BTNL9: variants seen among roughly 807,000 people sequenced by gnomAD.
BTNL9 encodes the protein butyrophilin-like protein 9.
A neutral mutation model predicts 45.8 loss-of-function variants in BTNL9; 45 were observed. The observed-to-expected ratio is 0.98, with a 90% CI of 0.77 to 1.26. The LOEUF (loss-of-function observed/expected upper bound fraction) is 1.26, where lower values mean the gene tolerates loss of function less well. BTNL9 is among the 50% of genes most tolerant of loss of function. The pLI is 0.00. For synonymous variants in BTNL9, 346 were observed against 330.8 expected, an observed-to-expected ratio of 1.05 and a Z score of -0.50; for missense variants, 784 against 729.7, an observed-to-expected ratio of 1.07 and a Z score of -0.86.
chr5:181,044,128 C>A (rs950854327), intron 1 of BTNL9, among the ~76,000 whole-genome samples: 3 of 152,202 alleles, frequency 2.0e-5, no homozygotes, highest in African/African-American at 7.2e-5. Flanking sequence ...TGTATTCCTG[C>A]CTGTCTGGGT....
In BTNL9 at chr5:181,059,361, G is replaced by A. The variant is rs774802017; in HGVS notation, c.1107G>A (p.Glu369=). 5.8e-6 allele frequency: 9 copies of A among 1,539,658 alleles called. No individual in the cohort carries two copies. Among genetic ancestry groups the A allele is most frequent in the East Asian group, 2.5e-5 (1 of 40,594 alleles). ...PAPGHPQRFS[E]QTCALSLERF... ...CTGGCCACCCGCAGCGGTTCTCGGA[G>A]CAGACGTGCGCGCTGAGCCTGGAGC... The change falls in exon 11 of 11, where the codon GAG becomes GAA. Residue 369 remains glutamate (E), a synonymous_variant. Transcript: ENST00000327705.
Position 181,050,479 on chromosome 5 carries a change from G to C in BTNL9, c.736+110G>C. ...TGGTACTGCGCCTGTCTGCATATAG[G>C]GTGTGTTGGCCTTGACACCTGAAAA... On this transcript the variant is annotated intron_variant, in intron 4 of 10. Transcript: ENST00000327705. The surrounding 1 kb of genome is among the most constrained non-coding windows in gnomAD (Gnocchi z 4.9). 2 of 1,350,890 alleles carry C rather than the reference G, an allele frequency of 1.5e-6. No individual in the cohort carries two copies. The highest frequency in any genetic ancestry group is 2.0e-6 in the Non-Finnish European group (2 of 978,934). 83.7% of individuals were successfully genotyped at this position (1,350,890 alleles called of 1,614,324 possible). A position where few individuals can be genotyped will look rare whatever the true frequency, so the allele number is the denominator to read the frequency against.
rs1200656241 is a variant in BTNL9, at chr5:181,050,198, C to T, written c.565C>T (p.His189Tyr). ...CAAGCCTAAGGTTCAGTGGAGAGAC[C>T]ACCAGGGACAGTGCCTGCCTCCAGA... The part of the protein sequence containing the change: ...YPKPKVQWRD[H>Y]QGQCLPPEFE... Residue 189 changes from histidine to tyrosine, a missense_variant, in exon 4 of 11, where the codon CAC becomes TAC. Physicochemically the swap from His to Tyr is moderately conservative, Grantham distance 83. Transcript: ENST00000327705. This position sits in a 1 kb window ranked among gnomAD's most constrained non-coding sequence, Gnocchi z 4.9. The T allele has an allele frequency of 1.1e-5, 18 of 1,614,034 alleles. No individual in the cohort carries two copies. Among genetic ancestry groups the T allele is most frequent in the Non-Finnish European group, 1.4e-5 (17 of 1,180,028 alleles).
chr5:181,053,141 C>G lies in BTNL9; in HGVS notation c.737-59C>G, dbSNP rs1327134426. On this transcript the variant is annotated intron_variant, in intron 4 of 10. Coordinates refer to ENST00000327705, the MANE Select transcript of BTNL9 (RefSeq NM_152547.5). The surrounding 1 kb of genome is among the most constrained non-coding windows in gnomAD (Gnocchi z 6.5). The stretch of plus-strand genomic sequence containing the variant: ...CCCGGCACGCGGCGGGCAGGCCGGT[C>G]TCGCCTCTCGGTGCTCAGCGGCGCC... The G allele has an allele frequency of 2.1e-6, 3 of 1,420,606 alleles. No homozygotes were observed. Among genetic ancestry groups the G allele is most frequent in the Non-Finnish European group, 2.9e-6 (3 of 1,047,302 alleles). 88.0% of individuals were successfully genotyped at this position (1,420,606 alleles called of 1,614,324 possible).
chr5:181,046,673 G>C (rs986306959), intron 2 of BTNL9, among the ~76,000 whole-genome samples: 5 of 151,656 alleles, frequency 3.3e-5, no homozygotes, highest in African/African-American at 9.7e-5. Flanking sequence ...CTGAGAGAAA[G>C]AGAGAGAGCG....
In BTNL9 at chr5:181,059,469, G is replaced by T; in HGVS notation, c.1215G>T (p.Val405=). 6.9e-7 allele frequency: 1 copy of T among 1,445,342 alleles called. No homozygotes were observed. The allele number at this position is 1,445,342 out of a possible 1,614,324, so 89.5% of individuals were successfully genotyped here. The change falls in exon 11 of 11, where the codon GTG becomes GTT. Residue 405 remains valine, a synonymous_variant. Transcript: ENST00000327705. ...RWFLGACLAA[V]PRAGPARLSP... is the part of the protein sequence containing the mutation. Reference sequence around the variant, plus strand: ...TCCTGGGCGCCTGCCTGGCCGCGGTGCCGCGCGCGGGGCCTGCGCGCCTGA... The same window carrying T: ...TCCTGGGCGCCTGCCTGGCCGCGGTTCCGCGCGCGGGGCCTGCGCGCCTGA...
At chr5:181,047,249 A>G (rs1226345397) in intron 2 of BTNL9, among the ~76,000 whole-genome samples, 1 of 152,178 alleles carries the variant, frequency 6.6e-6, no homozygotes, top group Non-Finnish European at 1.5e-5. Flanking sequence ...CAGGGAGCAG[A>G]GAGGCCCCAT....
At chr5:181,052,135 G>T (rs1431480971) in intron 4 of BTNL9, among the ~76,000 whole-genome samples, 3 of 152,216 alleles carry the variant, frequency 2.0e-5, no homozygotes, top group African/African-American at 7.2e-5. Context: ...TTGTGACCCA[G>T]TGTTTTTGTA....
chr5:181,048,732 T>C (rs1232231069), intron 3 of BTNL9, among the ~76,000 whole-genome samples: 1 of 118,304 alleles, frequency 8.5e-6, no homozygotes, highest in South Asian at 2.4e-4. Flanking sequence ...TATATCTATA[T>C]ATATATCTAT....
rs1761702255 is a variant in BTNL9 at position 181,053,561 on chromosome 5, T to TA, written c.886+63dup. ...CCAAGTGCCAAAACCCGCCGTCATC[T>TA]AAAGGCTGTGGGTCCCGTTACGAGG... On this transcript the variant is annotated intron_variant, in intron 6 of 10. Transcript: ENST00000327705. This position sits in a 1 kb window ranked among gnomAD's most constrained non-coding sequence, Gnocchi z 6.5. 1.1e-5 allele frequency: 17 copies of TA among 1,553,012 alleles called. No individual in the cohort carries two copies. Among genetic ancestry groups the TA allele is most frequent in the Non-Finnish European group, 1.5e-5 (17 of 1,148,166 alleles).
Position 181,053,962 on chromosome 5 carries a change from C to T in BTNL9, c.887-277C>T, listed in dbSNP as rs144796864. Reference sequence around the variant, plus strand: ...TCCGGGGCTTAACGTTTCCGCCGAGCTAATAGATTTGGGAGGCTCCGACCC... The same window carrying T: ...TCCGGGGCTTAACGTTTCCGCCGAGTTAATAGATTTGGGAGGCTCCGACCC... On this transcript the variant is annotated intron_variant, in intron 6 of 10. Coordinates refer to ENST00000327705, the MANE Select transcript of BTNL9 (RefSeq NM_152547.5). This position sits in a 1 kb window ranked among gnomAD's most constrained non-coding sequence, Gnocchi z 6.5. The T allele has an allele frequency of 1.3e-6, 2 of 1,527,426 alleles. No homozygotes were observed. The highest frequency in any genetic ancestry group is 1.8e-6 in the Non-Finnish European group (2 of 1,141,234). 94.6% of individuals were successfully genotyped at this position (1,527,426 alleles called of 1,614,324 possible).
intron 2 of BTNL9, 97 bp downstream of exon 2, chr5:181,045,695 C>G (rs1371752089): frequency 2.1e-6 from 2 of 963,524 alleles, no homozygotes; most frequent in African/African-American, 3.3e-5. Context: ...CCAGGGCGTG[C>G]CAGACGCTAA....
intron 3 of BTNL9, among the ~76,000 whole-genome samples, 177 bp from the exon 4 acceptor site, chr5:181,049,911 T>G (rs78062132): frequency 0.013 from 2,027 of 152,364 alleles, 50 homozygotes; most frequent in African/African-American, 0.046. Flanking sequence ...ATGCTACCAC[T>G]GATTTAGACT....
intron 2 of BTNL9, among the ~76,000 whole-genome samples, 170 bp downstream of exon 2, chr5:181,045,768 G>A (rs925358605): frequency 4.7e-5 from 7 of 150,496 alleles, no homozygotes; most frequent in Admixed American, 1.3e-4. Flanking sequence ...TACCCAGCCT[G>A]TAGTGATGTT....
At chr5:181,056,848 T>C in intron 9 of BTNL9, 1 of 498,440 alleles carries the variant, frequency 2.0e-6, no homozygotes, top group Non-Finnish European at 3.6e-6. Context: ...GGCTCATTGT[T>C]CTTTAGGTTT....
intron 3 of BTNL9, among the ~76,000 whole-genome samples, chr5:181,048,712 A>AATAT (rs951160498): frequency 3.0e-5 from 4 of 132,110 alleles, no homozygotes; most frequent in African/African-American, 8.7e-5. Context: ...TCTGTCTTGA[A>AATAT]ATATATATAT....
Position 181,053,325 on chromosome 5 carries a change from G to C in BTNL9, c.853+9G>C, listed in dbSNP as rs752956953. ...GCAGCGGAGAAGCCGAGGTACCGGC[G>C]CGGGCGGCGGGGCGGGGAGGGGCAC... is the stretch of plus-strand genomic sequence containing the variant. On this transcript the variant is annotated intron_variant, in intron 5 of 10. Transcript: ENST00000327705. This position sits in a 1 kb window ranked among gnomAD's most constrained non-coding sequence, Gnocchi z 6.5. 3.2e-6 allele frequency: 5 copies of C among 1,542,464 alleles called. No individual in the cohort carries two copies. Among genetic ancestry groups the C allele is most frequent in the Non-Finnish European group, 4.4e-6 (5 of 1,145,940 alleles).
chr5:181,054,107 G>A (rs776049023), intron 6 of BTNL9, 132 bp from the exon 7 acceptor site: 12 of 1,555,060 alleles, frequency 7.7e-6, no homozygotes, highest in Non-Finnish European at 9.6e-6. Context: ...GCCTGGGCCC[G>A]CAGACCACCG....
rs1414725260 is a variant in BTNL9, at chr5:181,059,752, C to T, written c.1498C>T (p.Leu500=). The change falls in exon 11 of 11, where the codon CTG becomes TTG. Residue 500 remains leucine, a synonymous_variant. Transcript: ENST00000327705. ...CGACGGCGGCGAACATCCGGATCCCCTGACCATCTGCCCGCTGCCGGTTAG... is the reference window on the plus strand; with the variant it reads ...CGACGGCGGCGAACATCCGGATCCCTTGACCATCTGCCCGCTGCCGGTTAG... ...AHDGGEHPDP[L]TICPLPVRGT... The T allele has an allele frequency of 6.2e-7, 1 of 1,612,432 alleles. No homozygotes were observed. The highest frequency in any genetic ancestry group is 1.1e-5 in the South Asian group (1 of 91,054).
Sources: allele counts gnomAD v4.1 joint callset (sites outside exome capture counted in the v4.1 genomes callset), GRCh38; gene constraint gnomAD v4.1.1; non-coding constraint Gnocchi (gnomAD v3.1); transcripts MANE v1.5; gene names NCBI Gene and HGNC (gene_info 2026-07-23, HGNC 2026-07-21).